The following FBXO34 variants were observed in gnomAD, a reference collection of about 807,000 sequenced individuals.
FBXO34 encodes F-box protein 34.
A neutral mutation model predicts 24.5 loss-of-function variants in FBXO34; 12 were observed. The observed-to-expected ratio is 0.49, with a 90% confidence interval of 0.31 to 0.79. FBXO34 has a LOEUF of 0.79. Among genes scored for constraint, FBXO34 ranks in the 30% least tolerant of loss-of-function variants. The pLI is 0.04. For missense variants in FBXO34, 823 were observed against 857.7 expected, an observed-to-expected ratio of 0.96 and a Z score of 0.51; for synonymous variants, 320 against 311.9, an observed-to-expected ratio of 1.03 and a Z score of -0.27.
the FBXO34 span, among the ~76,000 whole-genome samples, chr14:55,400,945 A>G: frequency 6.6e-6 from 1 of 151,546 alleles, no homozygotes; most frequent in South Asian, 2.1e-4. Flanking sequence ...AAATAAAATA[A>G]AATAAAATAA....
the FBXO34 span, among the ~76,000 whole-genome samples, chr14:55,434,959 G>A: frequency 1.6e-4 from 25 of 152,188 alleles, no homozygotes; most frequent in African/African-American, 5.5e-4. Context: ...CTGGCAAATC[G>A]TTAAAAGTTG....
intron 1 of FBXO34, among the ~76,000 whole-genome samples, chr14:55,339,215 A>C (rs1883901565): frequency 6.6e-6 from 1 of 152,220 alleles, no homozygotes; most frequent in Admixed American, 6.5e-5. Context: ...TGGTACTTAC[A>C]CATTTACAAT....
At chr14:55,381,517 A>G in the FBXO34 span, among the ~76,000 whole-genome samples, 1 of 152,252 alleles carries the variant, frequency 6.6e-6, no homozygotes, top group Admixed American at 6.5e-5. Context: ...CAAGTGATGA[A>G]TGAATAAATA....
chr14:55,277,395 A>G (rs996027420), intron 1 of FBXO34, among the ~76,000 whole-genome samples: 2 of 152,176 alleles, frequency 1.3e-5, no homozygotes, highest in Non-Finnish European at 2.9e-5. Flanking sequence ...TTCATAGCTC[A>G]CTGTAACATT....
the FBXO34 span, among the ~76,000 whole-genome samples, chr14:55,429,766 C>CAAAAAAAAAAAAAAAAAAAAAAA: frequency 5.7e-5 from 3 of 52,374 alleles, no homozygotes; most frequent in East Asian, 5.7e-4. Context: ...AACTCCGTCT[C>CAAAAAAAAAAAAAAAAAAAAAAA]AAAAAAAAAA....
downstream of FBXO34, chr14:55,368,110 T>TAAA (rs75291779): frequency 0.36 from 54,851 of 152,390 alleles, 10,476 homozygotes; most frequent in Non-Finnish European, 0.42. Context: ...TTATTAAAAA[T>TAAA]AAACTACTTA....
chr14:55,431,103 G>C, the FBXO34 span, among the ~76,000 whole-genome samples: 1 of 152,130 alleles, frequency 6.6e-6, no homozygotes, highest in African/African-American at 2.4e-5. Context: ...CTTTTCCTAC[G>C]CAAACACAGG....
chr14:55,346,013 C>T (rs186744363), intron 1 of FBXO34, among the ~76,000 whole-genome samples: 24 of 151,894 alleles, frequency 1.6e-4, no homozygotes, highest in African/African-American at 4.8e-4. Context: ...TCAGAAAGAA[C>T]GAAATTAAAT....
intron 1 of FBXO34, among the ~76,000 whole-genome samples, chr14:55,323,225 ATT>A (rs1194283087): frequency 3.1e-4 from 6 of 19,202 alleles, no homozygotes; most frequent in South Asian, 2.8e-3. Context: ...AAAAATATAT[ATT>A]TTTTTTTTTT....
At chr14:55,439,651 C>T in the FBXO34 span, among the ~76,000 whole-genome samples, 13,988 of 137,032 alleles carry the variant, frequency 0.1, 772 homozygotes, top group African/African-American at 0.15. Flanking sequence ...CAAAAATTAG[C>T]CGGGCATGGT....
intron 1 of FBXO34, among the ~76,000 whole-genome samples, chr14:55,324,065 AC>A (rs1185663794): frequency 1.3e-5 from 2 of 151,722 alleles, no homozygotes; most frequent in African/African-American, 4.8e-5. Context: ...GTAACTCCAT[AC>A]CCATTAGCAG....
the FBXO34 span, chr14:55,378,209 T>G: frequency 7.5e-6 from 5 of 664,988 alleles, no homozygotes; most frequent in East Asian, 1.4e-4. Flanking sequence ...ACTTAAAGAC[T>G]TTCTAAGAAT....
At chr14:55,411,561 A>G in the FBXO34 span, 1 of 1,560,580 alleles carries the variant, frequency 6.4e-7, no homozygotes, top group Admixed American at 1.9e-5. Flanking sequence ...GCTGGAGGAC[A>G]CACAGCAGAA....
intron 1 of FBXO34, chr14:55,285,329 A>T (rs1332975890): frequency 2.0e-5 from 3 of 151,740 alleles, no homozygotes; most frequent in South Asian, 4.2e-4. Flanking sequence ...GAGGTAGTGC[A>T]GTTGCACTCC....
At chr14:55,359,805 C>A (rs180892207) in intron 3 of FBXO34, among the ~76,000 whole-genome samples, 27 of 151,692 alleles carry the variant, frequency 1.8e-4, no homozygotes, top group African/African-American at 6.5e-4. Context: ...GAATAGATTT[C>A]ATTTCAGTTT....
chr14:55,346,071 A>C (rs1884150562), intron 1 of FBXO34, among the ~76,000 whole-genome samples: 1 of 152,234 alleles, frequency 6.6e-6, no homozygotes, highest in East Asian at 1.9e-4. Context: ...GTTGGAGGTT[A>C]GTATAAAAAA....
chr14:55,384,119 AAAC>A, the FBXO34 span, among the ~76,000 whole-genome samples: 1 of 152,226 alleles, frequency 6.6e-6, no homozygotes, highest in Non-Finnish European at 1.5e-5. Flanking sequence ...AGAGAAAGGC[AAAC>A]AAGAAACCTT....
At chr14:55,442,690 A>G in the FBXO34 span, among the ~76,000 whole-genome samples, 552 of 150,954 alleles carry the variant, frequency 3.7e-3, 12 homozygotes, top group Non-Finnish European at 6.3e-4. Context: ...ATGGTATTTA[A>G]TTTAAAGGTT....
chr14:55,432,838 TC>T, the FBXO34 span, among the ~76,000 whole-genome samples: 4 of 152,132 alleles, frequency 2.6e-5, no homozygotes, highest in African/African-American at 4.8e-5. Flanking sequence ...AGAATACCCA[TC>T]AACACAGGGC....
Sources: gnomAD v4.1 joint callset for allele counts (sites outside exome capture counted in the v4.1 genomes callset) on GRCh38, gnomAD v4.1.1 for gene constraint, MANE v1.5 for transcripts, NCBI Gene and HGNC (gene_info 2026-07-23, HGNC 2026-07-21) for gene names.